ZNF471: variants seen among roughly 807,000 people sequenced by gnomAD.
The protein encoded by ZNF471 is zinc finger protein 471, also known as EZFIT-related protein 1.
Under a neutral mutation model 13.7 loss-of-function variants are expected in ZNF471, and 7 were observed. The ratio of observed to expected loss-of-function variants is 0.51; its 90% CI spans 0.29 to 0.96. ZNF471 has a LOEUF of 0.96. ZNF471 is among the 40% of genes least tolerant of loss of function. The pLI, the probability that ZNF471 is intolerant of heterozygous loss-of-function variation, is 0.08. For synonymous variants in ZNF471, 218 were observed against 235.6 expected (o/e 0.93, Z 0.68); for missense variants, 663 against 743.3 (o/e 0.89, Z 1.26).
In ZNF471 at chr19:56,525,480, T is replaced by A. The variant is rs2044033741; in HGVS notation, c.1413T>A (p.Asn471Lys). ...CKECGKAFRQ[N>K]VHLVSHLRIH... ...AATGTGGGAAAGCCTTTAGGCAGAA[T>A]GTACACCTTGTTAGTCATTTGAGAA... is the stretch of plus-strand genomic sequence containing the variant. The change falls in exon 5 of 5, where the codon AAT (asparagine) becomes AAA (lysine). Residue 471 changes from asparagine (N) to lysine (K), a missense_variant. Physicochemically the swap from Asn to Lys is moderately conservative, Grantham distance 94. Coordinates refer to ENST00000308031, the MANE Select transcript of ZNF471 (RefSeq NM_020813.4). The A allele has an allele frequency of 1.2e-6, 2 of 1,614,088 alleles. No individual in the cohort carries two copies. Among genetic ancestry groups the A allele is most frequent in the Non-Finnish European group, 1.7e-6 (2 of 1,180,016 alleles).
Position 56,516,508 on chromosome 19 carries a change from G to A in ZNF471, c.160+107G>A, listed in dbSNP as rs2043890989. ...GTAGGTCAGAATGGAATTTGGGAAT[G>A]GAATCTGAGAAACAGAGGATATTGA... is the stretch of plus-strand genomic sequence containing the variant. On this transcript the variant is annotated intron_variant, in intron 3 of 4. Transcript: ENST00000308031. The surrounding 1 kb of genome is among the most constrained non-coding windows in gnomAD (Gnocchi z 4.4). 7.4e-5 allele frequency: 77 copies of A among 1,038,536 alleles called. 1 individual carries two copies. In the South Asian group the frequency reaches 1.3e-3, roughly 17 times the overall value. 64.3% of individuals were successfully genotyped at this position (1,038,536 alleles called of 1,614,324 possible). A position where few individuals can be genotyped will look rare whatever the true frequency, so the allele number is the denominator to read the frequency against.
At chr19:56,513,289 C>T (rs1261167187) in intron 2 of ZNF471, among the ~76,000 whole-genome samples, 2 of 152,312 alleles carry the variant, frequency 1.3e-5, no homozygotes, top group South Asian at 2.1e-4. Flanking sequence ...CCATTAACCC[C>T]ACCACCTGAA....
intron 2 of ZNF471, among the ~76,000 whole-genome samples, chr19:56,514,611 T>A (rs554800752): frequency 4.3e-4 from 65 of 152,240 alleles, no homozygotes; most frequent in African/African-American, 1.6e-3. Flanking sequence ...GGAGGAAGAC[T>A]GCAGAGGTAA....
chr19:56,508,964 T>TA lies in ZNF471; in HGVS notation c.-56+1045dup, dbSNP rs1307681791. On this transcript the variant is annotated intron_variant, in intron 1 of 4. Coordinates refer to ENST00000308031, the MANE Select transcript of ZNF471 (RefSeq NM_020813.4). The surrounding 1 kb of genome is among the most constrained non-coding windows in gnomAD (Gnocchi z 4.7). ...AAAGAGTGAGACTAGGTTATGTTGT[T>TA]ATGAGTTTGTGAGAGAGAGGGAGGC... 6.6e-6 allele frequency among the ~76,000 whole-genome samples: 1 copy of TA among 152,160 alleles called. No homozygotes were observed. The highest frequency in any genetic ancestry group is 1.9e-4 in the East Asian group (1 of 5,196).
rs1236357489 is a variant in ZNF471 at position 56,525,170 on chromosome 19, A to G, written c.1103A>G (p.Tyr368Cys). ...TCTTTTATTCGTCACTGGAGGAGTT[A>G]TCATACTGGAGAGAAGCCTTTTAAT... ...NTSFIRHWRS[Y>C]HTGEKPFNCI... The change falls in exon 5 of 5, where the codon TAT becomes TGT. Residue 368 changes from tyrosine (Y) to cysteine (C), a missense_variant. Tyr to Cys is a radical substitution (Grantham distance 194). Coordinates refer to ENST00000308031, the MANE Select transcript of ZNF471 (RefSeq NM_020813.4). The G allele has an allele frequency of 1.9e-5, 30 of 1,613,992 alleles. No individual in the cohort carries two copies. The highest frequency in any genetic ancestry group is 2.5e-5 in the Non-Finnish European group (30 of 1,180,000).
In ZNF471 at chr19:56,528,931, A is replaced by AAAAAC. The variant is rs2044079277; in HGVS notation, c.*2985_*2986insAACAA. The AAAAAC allele has an allele frequency of 6.6e-6, 1 of 152,124 alleles. No individual in the cohort carries two copies. Among genetic ancestry groups the AAAAAC allele is most frequent in the African/African-American group, 2.4e-5 (1 of 41,418 alleles). 9.4% of individuals were successfully genotyped at this position (152,124 alleles called of 1,614,324 possible). A position where few individuals can be genotyped will look rare whatever the true frequency, so the allele number is the denominator to read the frequency against. On this transcript the variant is annotated 3_prime_UTR_variant, in exon 5 of 5. Coordinates refer to ENST00000308031, the MANE Select transcript of ZNF471 (RefSeq NM_020813.4). ...TTCTGGAGTATATTTTTTTTAAAAA[A>AAAAAC]AACACTTAAAATGTTCCACTTCTTT...
chr19:56,510,994 C>T lies in ZNF471; in HGVS notation c.-55-523C>T, dbSNP rs1473857952. 2.3e-5 allele frequency: 23 copies of T among 983,384 alleles called. No individual in the cohort carries two copies. Among genetic ancestry groups the T allele is most frequent in the African/African-American group, 5.4e-5 (3 of 55,526 alleles). 60.9% of individuals were successfully genotyped at this position (983,384 alleles called of 1,614,324 possible). A position where few individuals can be genotyped will look rare whatever the true frequency, so the allele number is the denominator to read the frequency against. Reference sequence around the variant, plus strand: ...TCAGGGTGAGGAAAGTGAAACAGTGCCGGGGGGTGGGTCAGGGATGCAGTG... The same window carrying T: ...TCAGGGTGAGGAAAGTGAAACAGTGTCGGGGGGTGGGTCAGGGATGCAGTG... On this transcript the variant is annotated intron_variant, in intron 1 of 4. Transcript: ENST00000308031. This position sits in a 1 kb window ranked among gnomAD's most constrained non-coding sequence, Gnocchi z 4.3.
Position 56,516,322 on chromosome 19 carries a change from A to AT in ZNF471, c.82dup (p.Trp28LeufsTer32). The AT allele has an allele frequency of 6.2e-7, 1 of 1,613,962 alleles. No homozygotes were observed. ...TGGCAATAGATTTTTCCCAGGAAGA[A>AT]TGGCAATGGATGAACCCTGCTCAGA... is the stretch of plus-strand genomic sequence containing the variant. On this transcript the variant is annotated frameshift_variant, in exon 3 of 5. Transcript: ENST00000308031. LOFTEE classifies it high-confidence loss of function. This position sits in a 1 kb window ranked among gnomAD's most constrained non-coding sequence, Gnocchi z 4.4.
At chr19:56,517,326 G>A (rs1408302574) in intron 3 of ZNF471, among the ~76,000 whole-genome samples, 32 of 136,490 alleles carry the variant, frequency 2.3e-4, no homozygotes, top group Admixed American at 8.3e-4. Flanking sequence ...TTTTTGAAAC[G>A]GAGTCTCGCT....
chr19:56,523,357 C>CTTT (rs201870381), intron 4 of ZNF471, among the ~76,000 whole-genome samples: 3 of 136,356 alleles, frequency 2.2e-5, no homozygotes, highest in African/African-American at 8.0e-5. Context: ...GTGAAACCCT[C>CTTT]TTTTTTTTTT....
rs578040016 is a variant in ZNF471 at position 56,525,320 on chromosome 19, G to T, written c.1253G>T (p.Arg418Leu). Residue 418 changes from arginine (R) to leucine (L), a missense_variant, in exon 5 of 5, where the codon CGT (arginine) becomes CTT (leucine). Physicochemically the swap from Arg to Leu is moderately radical, Grantham distance 102. Transcript: ENST00000308031. The stretch of plus-strand genomic sequence containing the variant: ...AAAACCTTCAGCTCGGGTTCATCCC[G>T]TACTGTACATCAGAGAATTCATACA... ...CGKTFSSGSS[R>L]TVHQRIHTGE... 1.2e-6 allele frequency: 2 copies of T among 1,611,598 alleles called. No individual in the cohort carries two copies. Among genetic ancestry groups the T allele is most frequent in the South Asian group, 1.1e-5 (1 of 90,830 alleles).
chr19:56,512,744 C>T (rs1005667120), intron 2 of ZNF471, among the ~76,000 whole-genome samples: 13 of 152,066 alleles, frequency 8.5e-5, no homozygotes, highest in Non-Finnish European at 1.5e-4. Context: ...AAAAGGAATC[C>T]TTAATTCTCC....
At chr19:56,507,963 C>T in intron 1 of ZNF471, 43 bp downstream of exon 1, 5 of 986,082 alleles carry the variant, frequency 5.1e-6, no homozygotes, top group Non-Finnish European at 6.0e-6. Context: ...GAGGGCTGGG[C>T]CAGGAAGGGC....
Position 56,524,196 on chromosome 19 carries a change from G to A in ZNF471, c.257-128G>A, listed in dbSNP as rs564327029. 20 of 646,774 alleles carry A rather than the reference G, an allele frequency of 3.1e-5. No individual in the cohort carries two copies. Among genetic ancestry groups the A allele is most frequent in the African/African-American group, 2.6e-4 (14 of 53,818 alleles). The allele number at this position is 646,774 out of a possible 1,614,324, so 40.1% of individuals were successfully genotyped here. A position where few individuals can be genotyped will look rare whatever the true frequency, so the allele number is the denominator to read the frequency against. On this transcript the variant is annotated intron_variant, in intron 4 of 4. Coordinates refer to ENST00000308031, the MANE Select transcript of ZNF471 (RefSeq NM_020813.4). This position sits in a 1 kb window ranked among gnomAD's most constrained non-coding sequence, Gnocchi z 4.8. ...TTGGGGTCTCCCTGAATGTTTTCCA[G>A]TTGACATGCCTGTACATAACAGGTT... is the stretch of plus-strand genomic sequence containing the variant.
At position 56,525,496 on chromosome 19, in the gene ZNF471, C is replaced by A; in HGVS notation, c.1429C>A (p.His477Asn). The A allele has an allele frequency of 6.2e-7, 1 of 1,614,068 alleles. No individual in the cohort carries two copies. The highest frequency in any genetic ancestry group is 1.1e-5 in the South Asian group (1 of 91,060). Residue 477 changes from histidine (H) to asparagine (N), a missense_variant, in exon 5 of 5, where the codon CAT becomes AAT. Coordinates refer to ENST00000308031, the MANE Select transcript of ZNF471 (RefSeq NM_020813.4). ...TAGGCAGAATGTACACCTTGTTAGT[C>A]ATTTGAGAATTCATACTGGTGAAAA... ...AFRQNVHLVS[H>N]LRIHTGEKPY... is the part of the protein sequence containing the mutation.
At position 56,511,703 on chromosome 19, in the gene ZNF471, C is replaced by G. The variant is rs868335536; in HGVS notation, c.33+99C>G. ...TTTGAAAATTCCCTGATTAACAGTC[C>G]AGGAGCCTAGTTCCCACTTCTCTCA... is the stretch of plus-strand genomic sequence containing the variant. On this transcript the variant is annotated intron_variant, in intron 2 of 4. Coordinates refer to ENST00000308031, the MANE Select transcript of ZNF471 (RefSeq NM_020813.4). 12 of 995,404 alleles carry G rather than the reference C, an allele frequency of 1.2e-5. No homozygotes were observed. The Middle Eastern group carries it at 2.5e-3, about 206-fold the overall frequency. 61.7% of individuals were successfully genotyped at this position (995,404 alleles called of 1,614,324 possible). A position where few individuals can be genotyped will look rare whatever the true frequency, so the allele number is the denominator to read the frequency against.
At chr19:56,520,078 C>T (rs866902605) in intron 4 of ZNF471, among the ~76,000 whole-genome samples, 15 of 152,272 alleles carry the variant, frequency 9.9e-5, no homozygotes, top group African/African-American at 2.9e-4. Flanking sequence ...ACCCACACAT[C>T]AGAAGGGAAA....
At chr19:56,512,914 G>A (rs554966254) in intron 2 of ZNF471, among the ~76,000 whole-genome samples, 4 of 151,862 alleles carry the variant, frequency 2.6e-5, no homozygotes, top group East Asian at 3.9e-4. Flanking sequence ...TTTTTCTTGT[G>A]CTGTCAGAGT....
intron 4 of ZNF471, among the ~76,000 whole-genome samples, chr19:56,519,837 GA>G (rs1200766203): frequency 6.6e-6 from 1 of 152,246 alleles, no homozygotes; most frequent in Non-Finnish European, 1.5e-5. Flanking sequence ...GCACCATTCT[GA>G]GTTGTATGAC....
Sources: allele counts gnomAD v4.1 joint callset (sites outside exome capture counted in the v4.1 genomes callset), GRCh38; gene constraint gnomAD v4.1.1; non-coding constraint Gnocchi (gnomAD v3.1); transcripts MANE v1.5; gene names NCBI Gene and HGNC (gene_info 2026-07-23, HGNC 2026-07-21).